The following OPA1 variants were observed in gnomAD, a reference collection of about 807,000 sequenced individuals.
The protein encoded by OPA1 is dynamin-like GTPase OPA1, mitochondrial.
In OPA1, 59 loss-of-function variants were observed where a neutral mutation model predicts 152.9. That is an observed-to-expected ratio of 0.39 (90% confidence interval 0.31 to 0.48). OPA1 has a LOEUF of 0.48. OPA1 is among the 20% of genes least tolerant of loss of function. The pLI is 0.96. For synonymous variants in OPA1, 400 were observed against 389.9 expected (o/e 1.03, Z -0.31); for missense variants, 1,008 against 1,216.8 (o/e 0.83, Z 2.55).
chr3:193,619,262 CCT>C (rs1385466588), intron 6 of OPA1, among the ~76,000 whole-genome samples: 1 of 152,068 alleles, frequency 6.6e-6, no homozygotes, highest in African/African-American at 2.4e-5. Flanking sequence ...TTCCCTAGGA[CCT>C]CTCATACTGT....
intron 1 of OPA1, among the ~76,000 whole-genome samples, chr3:193,594,115 A>G (rs973034107): frequency 5.3e-5 from 8 of 152,306 alleles, no homozygotes; most frequent in Non-Finnish European, 2.9e-5. Flanking sequence ...ATAGAAAATC[A>G]TAGAAATCTT....
intron 29 of OPA1, among the ~76,000 whole-genome samples, chr3:193,676,592 T>C (rs993880681): frequency 1.3e-5 from 2 of 152,090 alleles, no homozygotes; most frequent in Non-Finnish European, 2.9e-5. Context: ...AACGCCTGAG[T>C]GGTGTGGTTT....
intron 29 of OPA1, chr3:193,667,524 A>G: frequency 2.3e-6 from 1 of 441,416 alleles, no homozygotes; most frequent in Non-Finnish European, 4.4e-6. Flanking sequence ...CAAAAAACTT[A>G]GCCAGGTGTG....
chr3:193,668,684 C>T, intron 29 of OPA1: 1 of 1,406,296 alleles, frequency 7.1e-7, no homozygotes, highest in Admixed American at 2.4e-5. Context: ...CCCATGTGAA[C>T]CCATTGTAAC....
At chr3:193,649,383 G>A (rs1711832562) in intron 21 of OPA1, among the ~76,000 whole-genome samples, 1 of 152,046 alleles carries the variant, frequency 6.6e-6, no homozygotes, top group Non-Finnish European at 1.5e-5. Flanking sequence ...CTTTTCTAAG[G>A]CAAACTGTTA....
chr3:193,621,617 G>C (rs1730096543), intron 6 of OPA1, among the ~76,000 whole-genome samples: 2 of 152,038 alleles, frequency 1.3e-5, no homozygotes, highest in South Asian at 4.1e-4. Context: ...TTTGATTAAT[G>C]AAACATTGAA....
Position 193,631,813 on chromosome 3 carries a change from A to G in OPA1, c.843+148A>G, listed in dbSNP as rs1043530242. ...ATTATTATCGATAGATGCAAAAGCT[A>G]ATTGAGAAATAAGGAATAAAGACAG... is the stretch of plus-strand genomic sequence containing the variant. On this transcript the variant is annotated intron_variant, in intron 8 of 30. Transcript: ENST00000361510. 4.3e-6 allele frequency: 3 copies of G among 690,102 alleles called. No homozygotes were observed. The African/African-American group carries it at 5.4e-5, about 12-fold the overall frequency. 42.7% of individuals were successfully genotyped at this position (690,102 alleles called of 1,614,324 possible).
chr3:193,613,977 G>A, intron 1 of OPA1: 1 of 518,938 alleles, frequency 1.9e-6, no homozygotes, highest in Non-Finnish European at 3.8e-6. Context: ...GCAACTAATA[G>A]TAAGCAAGCA....
intron 29 of OPA1, among the ~76,000 whole-genome samples, chr3:193,682,220 T>G: frequency 6.6e-6 from 1 of 152,186 alleles, no homozygotes; most frequent in Admixed American, 6.5e-5. Context: ...AGCTAAAACC[T>G]AATCCAGAGC....
rs887996860 is a variant in OPA1 at position 193,697,267 on chromosome 3, G to A, written c.*2667G>A. On this transcript the variant is annotated 3_prime_UTR_variant, in exon 31 of 31. Coordinates refer to ENST00000361510, the MANE Select transcript of OPA1 (RefSeq NM_130837.3). ...GATCAAAGTAATGGTTTTTCTCTCA[G>A]TTCTCTAAGCTGGTCTATGTTATAG... 1.2e-4 allele frequency: 19 copies of A among 152,162 alleles called. No homozygotes were observed. The highest frequency in any genetic ancestry group is 4.6e-4 in the African/African-American group (19 of 41,432). 9.4% of individuals were successfully genotyped at this position (152,162 alleles called of 1,614,324 possible).
chr3:193,599,871 G>T (rs958372734), intron 1 of OPA1, among the ~76,000 whole-genome samples: 2 of 152,200 alleles, frequency 1.3e-5, no homozygotes, highest in African/African-American at 4.8e-5. Context: ...CAAATTTATA[G>T]ACAGAAAAGG....
At chr3:193,608,548 T>G (rs1727659150) in intron 1 of OPA1, among the ~76,000 whole-genome samples, 1 of 152,250 alleles carries the variant, frequency 6.6e-6, no homozygotes, top group South Asian at 2.1e-4. Flanking sequence ...TCTAGTTTGA[T>G]TCCACTGTGG....
chr3:193,686,373 C>CAGG (rs2109425749), intron 29 of OPA1, among the ~76,000 whole-genome samples: 1 of 152,104 alleles, frequency 6.6e-6, no homozygotes, highest in African/African-American at 2.4e-5. Flanking sequence ...CTGTAACATG[C>CAGG]AGGAGTGTTC....
At chr3:193,667,507 A>G in intron 29 of OPA1, 1 of 473,858 alleles carries the variant, frequency 2.1e-6, no homozygotes, top group Non-Finnish European at 4.0e-6. Context: ...CGTCTCTACT[A>G]AAAATACAAA....
rs77316461 is a variant in OPA1, at chr3:193,602,199, G to A, written c.32+8790G>A. Among the ~76,000 whole-genome samples the A allele has an allele frequency of 6.5e-3, 983 of 152,252 alleles. 10 individuals carry two copies. The highest frequency in any genetic ancestry group is 0.021 in the African/African-American group (857 of 41,550). On this transcript the variant is annotated intron_variant, in intron 1 of 30. Transcript: ENST00000361510. The stretch of plus-strand genomic sequence containing the variant: ...TCAGCTTTACCTTAAAGTCTCCAAC[G>A]GGTATATAGTACCAGGAGTCTGAGG...
chr3:193,638,961 A>C (rs1249421164), intron 11 of OPA1, among the ~76,000 whole-genome samples: 1 of 152,192 alleles, frequency 6.6e-6, no homozygotes, highest in Admixed American at 6.5e-5. Flanking sequence ...GCAAGTGGGA[A>C]AAGGATTAAA....
At position 193,608,034 on chromosome 3, in the gene OPA1, G is replaced by C. The variant is rs143163916; in HGVS notation, c.33-6689G>C. 4.6e-5 allele frequency among the ~76,000 whole-genome samples: 7 copies of C among 152,306 alleles called. No individual in the cohort carries two copies. The East Asian group carries it at 1.3e-3, about 29-fold the overall frequency. On this transcript the variant is annotated intron_variant, in intron 1 of 30. Transcript: ENST00000361510. ...TTCTCTTTGAAGCAATTGTGAATGA[G>C]AGTTCACTCATGATTTGGCTCTCTG... is the stretch of plus-strand genomic sequence containing the variant.
intron 29 of OPA1, chr3:193,668,361 A>G (rs1222851248): frequency 6.4e-7 from 1 of 1,551,462 alleles, no homozygotes; most frequent in Non-Finnish European, 8.7e-7. Flanking sequence ...ACACCAGGCC[A>G]CCACATGGCG....
chr3:193,697,093 C>A lies in OPA1; in HGVS notation c.*2493C>A, dbSNP rs968370116. 1 of 152,150 alleles carries A rather than the reference C, an allele frequency of 6.6e-6. No individual in the cohort carries two copies. The highest frequency in any genetic ancestry group is 1.9e-4 in the East Asian group (1 of 5,204). 9.4% of individuals were successfully genotyped at this position (152,150 alleles called of 1,614,324 possible). Reference sequence around the variant, plus strand: ...GAACATGGCAGAGAGTGGTGCTTCCCAGCCTCACAATGTGGGAATTTGACA... The same window carrying A: ...GAACATGGCAGAGAGTGGTGCTTCCAAGCCTCACAATGTGGGAATTTGACA... On this transcript the variant is annotated 3_prime_UTR_variant, in exon 31 of 31. Coordinates refer to ENST00000361510, the MANE Select transcript of OPA1 (RefSeq NM_130837.3).
Sources: allele counts gnomAD v4.1 joint callset (sites outside exome capture counted in the v4.1 genomes callset), GRCh38; gene constraint gnomAD v4.1.1; transcripts MANE v1.5; gene names NCBI Gene and HGNC (gene_info 2026-07-23, HGNC 2026-07-21).